C10orf71: variants seen among roughly 807,000 people sequenced by gnomAD.
C10orf71 encodes the protein chromosome 10 open reading frame 71.
For missense variants in C10orf71, 1,869 were observed against 1,804.5 expected (o/e 1.04, Z -0.65); for synonymous variants, 758 against 726.3 (o/e 1.04, Z -0.70).
rs759040879 is a variant in C10orf71, at chr10:49,324,388, GA to G, written c.1844del (p.Glu615GlyfsTer33). ...NGEAAERSSY[E>X]NKEVEGELEM... is the part of the protein sequence containing the mutation. ...GGAGGCTGCTGAGAGAAGCAGTTAT[GA>G]GAACAAGGAGGTGGAAGGAGAGTTG... On this transcript the variant is annotated frameshift_variant, in exon 3 of 3. Coordinates refer to ENST00000374144, the MANE Select transcript of C10orf71 (RefSeq NM_001135196.2). LOFTEE classifies it low-confidence loss of function (END_TRUNC). 3.7e-6 allele frequency: 6 copies of G among 1,613,238 alleles called. No individual in the cohort carries two copies. In the African/African-American group the frequency reaches 8.0e-5, roughly 22 times the overall value.
chr10:49,319,672 C>T (rs1213891770), intron 2 of C10orf71, among the ~76,000 whole-genome samples: 2 of 91,760 alleles, frequency 2.2e-5, no homozygotes, highest in Non-Finnish European at 4.8e-5. Context: ...TATATGTACA[C>T]ACACACAAGC....
At chr10:49,312,557 G>A (rs12414824) in intron 1 of C10orf71, among the ~76,000 whole-genome samples, 8,122 of 152,290 alleles carry the variant, frequency 0.053, 315 homozygotes, top group East Asian at 0.21. Context: ...TTTGCTGGAC[G>A]CTGGCCCTCC....
At position 49,318,402 on chromosome 10, in the gene C10orf71, T is replaced by C. The variant is rs546007224; in HGVS notation, c.-145+2155T>C. Among the ~76,000 whole-genome samples the C allele has an allele frequency of 2.0e-5, 3 of 152,352 alleles. No individual in the cohort carries two copies. In the South Asian group the frequency reaches 6.2e-4, roughly 32 times the overall value. ...TGCTCTCCCCTTGTATGCAGCCTTCTAAAAAGCATATGCTGTCATGAGTGT... is the reference window on the plus strand; with the variant it reads ...TGCTCTCCCCTTGTATGCAGCCTTCCAAAAAGCATATGCTGTCATGAGTGT... On this transcript the variant is annotated intron_variant, in intron 2 of 2. Transcript: ENST00000374144.
At chr10:49,297,183 G>A (rs1468344436), upstream of C10orf71, among the ~76,000 whole-genome samples, 5 of 152,234 alleles carry the variant, frequency 3.3e-5, no homozygotes, top group East Asian at 9.6e-4. Context: ...TGCTGAGGAG[G>A]GGAGGAAAGC....
rs1330775555 is a variant in C10orf71, at chr10:49,326,797, C to A, written c.4252C>A (p.Leu1418Met). Residue 1418 changes from leucine to methionine, a missense_variant, in exon 3 of 3, where the codon CTG becomes ATG. Coordinates refer to ENST00000374144, the MANE Select transcript of C10orf71 (RefSeq NM_001135196.2). ...PGEEGVEAPG[L>M]GIISTDDLED... Reference sequence around the variant, plus strand: ...AGAGGAGGGTGTAGAAGCTCCAGGCCTGGGCATCATCTCCACTGATGACCT... The same window carrying A: ...AGAGGAGGGTGTAGAAGCTCCAGGCATGGGCATCATCTCCACTGATGACCT... 2 of 1,550,074 alleles carry A rather than the reference C, an allele frequency of 1.3e-6. No homozygotes were observed. Among genetic ancestry groups the A allele is most frequent in the Non-Finnish European group, 1.7e-6 (2 of 1,147,002 alleles).
chr10:49,320,985 C>T (rs1849084833), intron 2 of C10orf71, among the ~76,000 whole-genome samples: 1 of 152,150 alleles, frequency 6.6e-6, no homozygotes, highest in Non-Finnish European at 1.5e-5. Context: ...CCCATGAAGC[C>T]ATCACCACAA....
chr10:49,297,910 T>C (rs1051906482), upstream of C10orf71, among the ~76,000 whole-genome samples: 1 of 152,202 alleles, frequency 6.6e-6, no homozygotes, highest in East Asian at 1.9e-4. Context: ...CAGCAAGTAA[T>C]CATCCCCACA....
At position 49,324,549 on chromosome 10, in the gene C10orf71, A is replaced by T. The variant is rs1564691617; in HGVS notation, c.2004A>T (p.Leu668=). ...CAGAGAAAATGAAGACCCACCAGCT[A>T]GAGAATGGGCTCTCCAGATCTGTGT... The part of the protein sequence containing the change: ...GATEKMKTHQ[L]ENGLSRSVSQ... The change falls in exon 3 of 3, where the codon CTA becomes CTT. Residue 668 remains leucine, a synonymous_variant. Coordinates refer to ENST00000374144, the MANE Select transcript of C10orf71 (RefSeq NM_001135196.2). 6.2e-7 allele frequency: 1 copy of T among 1,613,658 alleles called. No homozygotes were observed.
At position 49,324,106 on chromosome 10, in the gene C10orf71, A is replaced by G. The variant is rs200257260; in HGVS notation, c.1561A>G (p.Lys521Glu). The G allele has an allele frequency of 1.3e-4, 208 of 1,613,878 alleles. No individual in the cohort carries two copies. The highest frequency in any genetic ancestry group is 1.6e-4 in the Non-Finnish European group (184 of 1,179,900). Reference protein sequence around the residue: ...KSTYSSSPLLKVLDEKTRGKV... With the variant: ...KSTYSSSPLLEVLDEKTRGKV... ...CACATACAGTTCCTCACCTCTCTTG[A>G]AAGTGCTTGATGAGAAAACTAGAGG... is the stretch of plus-strand genomic sequence containing the variant. The change falls in exon 3 of 3, where the codon AAA becomes GAA. Residue 521 changes from lysine (K) to glutamate (E), a missense_variant. Coordinates refer to ENST00000374144, the MANE Select transcript of C10orf71 (RefSeq NM_001135196.2).
At chr10:49,307,539 G>A (rs1848836137) in intron 1 of C10orf71, among the ~76,000 whole-genome samples, 2 of 152,244 alleles carry the variant, frequency 1.3e-5, no homozygotes, top group Non-Finnish European at 2.9e-5. Flanking sequence ...AGCCTTTGTG[G>A]AGTGAGACTC....
chr10:49,302,883 G>A (rs1279553088), intron 1 of C10orf71, among the ~76,000 whole-genome samples: 1 of 152,112 alleles, frequency 6.6e-6, no homozygotes, highest in East Asian at 1.9e-4. Context: ...AGGCAAATCT[G>A]GGTTCATAGG....
chr10:49,310,583 C>T (rs1430436969), intron 1 of C10orf71, among the ~76,000 whole-genome samples: 1 of 152,214 alleles, frequency 6.6e-6, no homozygotes. Context: ...GACAAGGCCA[C>T]TCAACCTGCC....
chr10:49,324,375 G>A lies in C10orf71; in HGVS notation c.1830G>A (p.Glu610=). The stretch of plus-strand genomic sequence containing the variant: ...TCTATGTCAATGGGGAGGCTGCTGA[G>A]AGAAGCAGTTATGAGAACAAGGAGG... ...APFYVNGEAA[E]RSSYENKEVE... The change falls in exon 3 of 3, where the codon GAG becomes GAA. Residue 610 remains glutamate (E), a synonymous_variant. Transcript: ENST00000374144. The A allele has an allele frequency of 5.6e-6, 9 of 1,613,728 alleles. No homozygotes were observed. The highest frequency in any genetic ancestry group is 7.6e-6 in the Non-Finnish European group (9 of 1,179,790).
intron 1 of C10orf71, among the ~76,000 whole-genome samples, chr10:49,312,001 G>GA (rs1235133307): frequency 1.3e-5 from 2 of 152,246 alleles, no homozygotes; most frequent in African/African-American, 4.8e-5. Flanking sequence ...AAACATTTTG[G>GA]AAGAGTTAGA....
rs111554211 is a variant in C10orf71 at position 49,305,828 on chromosome 10, G to C, written c.-248+6595G>C. On this transcript the variant is annotated intron_variant, in intron 1 of 2. Coordinates refer to ENST00000374144, the MANE Select transcript of C10orf71 (RefSeq NM_001135196.2). ...GGGATGCCTAAAATTTCTGGTCTCA[G>C]AGAGTTTTTTTTAAATCACTATAGA... Among the ~76,000 whole-genome samples the C allele has an allele frequency of 4.4e-4, 67 of 152,374 alleles. 1 individual carries two copies. Among genetic ancestry groups the C allele is most frequent in the Middle Eastern group, 6.8e-3 (2 of 294 alleles).
At chr10:49,299,381 G>T (rs957946692) in intron 1 of C10orf71, 148 bp downstream of exon 1, 1 of 152,486 alleles carries the variant, frequency 6.6e-6, no homozygotes, top group Non-Finnish European at 1.5e-5. Flanking sequence ...AAGAAGTCTT[G>T]GCTGCTGGGC....
At chr10:49,310,381 C>G (rs1848889831) in intron 1 of C10orf71, among the ~76,000 whole-genome samples, 1 of 152,204 alleles carries the variant, frequency 6.6e-6, no homozygotes, top group African/African-American at 2.4e-5. Context: ...GCAACACCTC[C>G]CAGGACACGC....
chr10:49,298,262 G>A (rs1848668227), upstream of C10orf71, among the ~76,000 whole-genome samples: 1 of 152,242 alleles, frequency 6.6e-6, no homozygotes, highest in South Asian at 2.1e-4. Flanking sequence ...GCACAGAGCA[G>A]GACACCCAGC....
upstream of C10orf71, among the ~76,000 whole-genome samples, chr10:49,298,526 C>A (rs929903248): frequency 1.3e-5 from 2 of 152,152 alleles, no homozygotes; most frequent in African/African-American, 4.8e-5. Flanking sequence ...AGACAGAAAG[C>A]AGCCATTGGG....
Sources: gnomAD v4.1 joint callset for allele counts (sites outside exome capture counted in the v4.1 genomes callset) on GRCh38, gnomAD v4.1.1 for gene constraint, MANE v1.5 for transcripts, NCBI Gene and HGNC (gene_info 2026-07-23, HGNC 2026-07-21) for gene names.